Variants in PSMB1 observed in about 807,000 individuals in gnomAD.
The protein encoded by PSMB1 is proteasome 20S subunit beta 1.
Under a neutral mutation model 25.4 loss-of-function variants are expected in PSMB1, and 7 were observed. The observed-to-expected ratio is 0.28, with a 90% CI of 0.16 to 0.52. The LOEUF (loss-of-function observed/expected upper bound fraction) is 0.52. Ranked by LOEUF, PSMB1 falls within the 20% of genes least tolerant of loss-of-function variation. The pLI, the probability that PSMB1 is intolerant of heterozygous loss-of-function variation, is 0.97. For missense variants in PSMB1, 284 were observed against 302.2 expected, an observed-to-expected ratio of 0.94 and a Z score of 0.45; for synonymous variants, 119 against 115.0, an observed-to-expected ratio of 1.03 and a Z score of -0.22.
chr6:170,545,686 T>C (rs1778808753), intron 3 of PSMB1, among the ~76,000 whole-genome samples: 2 of 152,208 alleles, frequency 1.3e-5, no homozygotes, highest in South Asian at 4.1e-4. Context: ...TCATGCATCC[T>C]GCCAACTAAG....
intron 1 of PSMB1, among the ~76,000 whole-genome samples, chr6:170,552,007 T>C (rs1161313164): frequency 6.6e-6 from 1 of 152,240 alleles, no homozygotes; most frequent in Non-Finnish European, 1.5e-5. Flanking sequence ...TTCGTTATCT[T>C]TCTAACACAC....
At position 170,535,591 on chromosome 6, in the gene PSMB1, GACA is replaced by G. The variant is rs201013723; in HGVS notation, c.541-189_541-187del. On this transcript the variant is annotated intron_variant, in intron 5 of 5. Coordinates refer to ENST00000262193, the MANE Select transcript of PSMB1 (RefSeq NM_002793.4). ...GATGAATTACACACATCAGAAATCT[GACA>G]ACGATTCCCTGGCAAAGCTCCCACT... Among the ~76,000 whole-genome samples the G allele has an allele frequency of 4.8e-3, 726 of 152,312 alleles. 5 individuals carry two copies. The highest frequency in any genetic ancestry group is 0.016 in the African/African-American group (683 of 41,552).
intron 2 of PSMB1, among the ~76,000 whole-genome samples, chr6:170,546,496 G>A (rs1236071548): frequency 2.6e-5 from 4 of 152,030 alleles, no homozygotes; most frequent in Non-Finnish European, 4.4e-5. Flanking sequence ...ACGGAGTTTC[G>A]CTCTTGTCAC....
intron 4 of PSMB1, among the ~76,000 whole-genome samples, chr6:170,541,007 A>G (rs1442603886): frequency 6.6e-6 from 1 of 152,208 alleles, no homozygotes; most frequent in Non-Finnish European, 1.5e-5. Flanking sequence ...GAACATCACT[A>G]TACAATTTCA....
At chr6:170,538,543 A>G (rs1428378285) in intron 4 of PSMB1, among the ~76,000 whole-genome samples, 1 of 152,144 alleles carries the variant, frequency 6.6e-6, no homozygotes, top group African/African-American at 2.4e-5. Flanking sequence ...TACTAAAAAT[A>G]CAAAAATTAG....
At chr6:170,549,699 G>C (rs1029068965) in intron 1 of PSMB1, 1 of 152,348 alleles carries the variant, frequency 6.6e-6, no homozygotes, top group South Asian at 2.1e-4. Context: ...GACCGCCTGG[G>C]TTCTAATTCT....
rs116826094 is a variant in PSMB1, at chr6:170,542,646, G to C, written c.433+955C>G. Among the ~76,000 whole-genome samples, 786 of 152,292 alleles carry C rather than the reference G, an allele frequency of 5.2e-3. 8 individuals are homozygous for C. Among genetic ancestry groups the C allele is most frequent in the African/African-American group, 0.018 (758 of 41,566 alleles). On this transcript the variant is annotated intron_variant, in intron 4 of 5. Coordinates refer to ENST00000262193, the MANE Select transcript of PSMB1 (RefSeq NM_002793.4). Reference sequence around the variant, plus strand: ...GACACATCTTTTCCTGCTGTCTGCTGAGAGGACTGCTGCAGCACTAAATGC... The same window carrying C: ...GACACATCTTTTCCTGCTGTCTGCTCAGAGGACTGCTGCAGCACTAAATGC...
At chr6:170,535,821 C>T (rs1364272405) in intron 5 of PSMB1, among the ~76,000 whole-genome samples, 1 of 152,156 alleles carries the variant, frequency 6.6e-6, no homozygotes, top group Non-Finnish European at 1.5e-5. Flanking sequence ...ACATTCCAGA[C>T]TGAAGATGTG....
At chr6:170,551,928 T>C (rs991002078) in intron 1 of PSMB1, among the ~76,000 whole-genome samples, 1 of 152,190 alleles carries the variant, frequency 6.6e-6, no homozygotes, top group African/African-American at 2.4e-5. Flanking sequence ...GATAAGGAAA[T>C]TTAGGTTCAA....
intron 3 of PSMB1, 76 bp downstream of exon 3, chr6:170,546,027 T>A: frequency 1.6e-6 from 2 of 1,261,564 alleles, no homozygotes; most frequent in Non-Finnish European, 2.2e-6. Context: ...TGACCAACAG[T>A]CATGCTGTAG....
intron 5 of PSMB1, 43 bp downstream of exon 5, chr6:170,537,191 A>G: frequency 6.8e-7 from 1 of 1,475,258 alleles, no homozygotes. Context: ...GAACACCATG[A>G]CAAGTTGGAC....
At chr6:170,548,147 T>C (rs111654600) in intron 2 of PSMB1, among the ~76,000 whole-genome samples, 2 of 152,284 alleles carry the variant, frequency 1.3e-5, no homozygotes, top group African/African-American at 2.4e-5. Flanking sequence ...ACAAACTTCA[T>C]TGCTTTTTAA....
rs117722359 is a variant in PSMB1, at chr6:170,544,710, T to C, written c.304-980A>G. On this transcript the variant is annotated intron_variant, in intron 3 of 5. Coordinates refer to ENST00000262193, the MANE Select transcript of PSMB1 (RefSeq NM_002793.4). ...AAGTGAGACGCTGTCTCTAAATAAATAGACAGATAGATATCTAACTAGCAC... is the reference window on the plus strand; with the variant it reads ...AAGTGAGACGCTGTCTCTAAATAAACAGACAGATAGATATCTAACTAGCAC... 1.2e-3 allele frequency among the ~76,000 whole-genome samples: 190 copies of C among 152,044 alleles called. 5 individuals are homozygous for C. The East Asian group carries it at 0.03, about 24-fold the overall frequency.
rs777257978 is a variant in PSMB1, at chr6:170,535,218, G to A, written c.*2C>T. ...AACTGATTGGTGATAAGAGCACACA[G>A]ATCAGTCCTTCCTTAAGGAAACAGT... On this transcript the variant is annotated 3_prime_UTR_variant, in exon 6 of 6. Coordinates refer to ENST00000262193, the MANE Select transcript of PSMB1 (RefSeq NM_002793.4). 2 of 1,613,490 alleles carry A rather than the reference G, an allele frequency of 1.2e-6. No individual in the cohort carries two copies. The highest frequency in any genetic ancestry group is 1.1e-5 in the South Asian group (1 of 91,040).
intron 5 of PSMB1, among the ~76,000 whole-genome samples, chr6:170,535,824 A>G (rs1268637296): frequency 6.6e-6 from 1 of 152,228 alleles, no homozygotes; most frequent in Non-Finnish European, 1.5e-5. Flanking sequence ...TTCCAGACTG[A>G]AGATGTGGGA....
In PSMB1 at chr6:170,543,727, A is replaced by G; in HGVS notation, c.307T>C (p.Tyr103His). Residue 103 changes from tyrosine to histidine, a missense_variant, in exon 4 of 6, where the codon TAT becomes CAT. Tyr to His is a moderately conservative substitution (Grantham distance 83). Transcript: ENST00000262193. ...TKIIEARLKMYKHSNNKAMTT... is the reference protein window; with the variant it reads ...TKIIEARLKMHKHSNNKAMTT... ...ATGGCCTTATTATTGGAATGCTTATACATCTGCAATTATTGATAAAAGTCA... is the reference window on the plus strand; with the variant it reads ...ATGGCCTTATTATTGGAATGCTTATGCATCTGCAATTATTGATAAAAGTCA... 2 of 1,605,912 alleles carry G rather than the reference A, an allele frequency of 1.2e-6. No homozygotes were observed.
intron 4 of PSMB1, 34 bp downstream of exon 4, chr6:170,543,567 C>T (rs1244727211): frequency 6.5e-7 from 1 of 1,548,264 alleles, no homozygotes; most frequent in Non-Finnish European, 8.8e-7. Context: ...ATAACTCCTC[C>T]CCCCCACCAT....
intron 4 of PSMB1, among the ~76,000 whole-genome samples, chr6:170,540,134 G>A (rs1215913487): frequency 6.6e-6 from 1 of 152,144 alleles, no homozygotes; most frequent in Non-Finnish European, 1.5e-5. Context: ...AGACAGAGAG[G>A]TTAGTGCAGA....
At chr6:170,543,927 C>T (rs1024446971) in intron 3 of PSMB1, among the ~76,000 whole-genome samples, 197 bp from the exon 4 acceptor site, 1 of 152,180 alleles carries the variant, frequency 6.6e-6, no homozygotes, top group Non-Finnish European at 1.5e-5. Context: ...GCCCTCAGCT[C>T]TCTGGTTTAG....
Sources: gnomAD v4.1 joint callset for allele counts (sites outside exome capture counted in the v4.1 genomes callset) on GRCh38, gnomAD v4.1.1 for gene constraint, MANE v1.5 for transcripts, NCBI Gene and HGNC (gene_info 2026-07-23, HGNC 2026-07-21) for gene names.